LPIN1: variants seen among roughly 807,000 people sequenced by gnomAD.
LPIN1 encodes the protein phosphatidate phosphatase LPIN1.
LPIN1 carries 71 observed loss-of-function variants against 107.5 expected under a neutral mutation model. The observed-to-expected ratio is 0.66, with a 90% CI of 0.55 to 0.80. The LOEUF (loss-of-function observed/expected upper bound fraction) is 0.80, where lower values mean the gene tolerates loss of function less well. Ranked by LOEUF, LPIN1 falls within the 30% of genes least tolerant of loss-of-function variation. The pLI, the probability that LPIN1 is intolerant of heterozygous loss-of-function variation, is 0.00. For missense variants in LPIN1, 1,043 were observed against 1,160.6 expected, an observed-to-expected ratio of 0.90 and a Z score of 1.47; for synonymous variants, 445 against 452.6, an observed-to-expected ratio of 0.98 and a Z score of 0.21.
At chr2:11,802,709 C>T (rs886808005) in intron 14 of LPIN1, among the ~76,000 whole-genome samples, 198 bp from the exon 15 acceptor site, 6 of 152,008 alleles carry the variant, frequency 3.9e-5, no homozygotes, top group African/African-American at 9.7e-5. Context: ...AGCCCCCACA[C>T]GTGTAATGCA....
chr2:11,691,687 A>G lies in LPIN1; in HGVS notation c.81+13959A>G, dbSNP rs570705663. Among the ~76,000 whole-genome samples the G allele has an allele frequency of 5.9e-5, 9 of 152,336 alleles. No homozygotes were observed. In the East Asian group the frequency reaches 1.5e-3, roughly 26 times the overall value. On this transcript the variant is annotated intron_variant, in intron 1 of 21. Coordinates refer to the LPIN1 transcript ENST00000449576. ...GGGTGATTCAAAATACAAGTTCACT[A>G]TACCATCTTGACCATGAGCCACAAG...
intron 1 of LPIN1, among the ~76,000 whole-genome samples, chr2:11,753,316 G>A (rs567747824): frequency 6.6e-6 from 1 of 152,326 alleles, no homozygotes; most frequent in East Asian, 1.9e-4. Flanking sequence ...CCTCTGACCT[G>A]CAGGCCTTTT....
intron 2 of LPIN1, among the ~76,000 whole-genome samples, chr2:11,719,169 A>C (rs1018280475): frequency 6.6e-6 from 1 of 151,970 alleles, no homozygotes; most frequent in Non-Finnish European, 1.5e-5. Flanking sequence ...TTTCCTAGTA[A>C]TTTCTCTTCT....
chr2:11,742,846 G>A (rs979701398), upstream of LPIN1, among the ~76,000 whole-genome samples: 16 of 152,230 alleles, frequency 1.1e-4, no homozygotes, highest in African/African-American at 1.2e-4. Context: ...GAGCTCCCCC[G>A]CCCACCAGCG....
upstream of LPIN1, among the ~76,000 whole-genome samples, chr2:11,721,117 A>C (rs1664101184): frequency 6.6e-6 from 1 of 151,990 alleles, no homozygotes; most frequent in South Asian, 2.1e-4. Context: ...GGGAGAGGAG[A>C]AAATATTGGG....
chr2:11,712,775 G>A (rs1663496350), intron 1 of LPIN1, among the ~76,000 whole-genome samples: 1 of 152,156 alleles, frequency 6.6e-6, no homozygotes, highest in Non-Finnish European at 1.5e-5. Flanking sequence ...AATTTTAGTA[G>A]AATTTTAGGC....
At chr2:11,703,296 G>A (rs1042391277) in intron 1 of LPIN1, among the ~76,000 whole-genome samples, 1 of 152,144 alleles carries the variant, frequency 6.6e-6, no homozygotes, top group African/African-American at 2.4e-5. Flanking sequence ...GATTGGAGTA[G>A]GGATAGCGTG....
At chr2:11,732,881 C>T (rs143645210) in intron 1 of LPIN1, among the ~76,000 whole-genome samples, 26 of 146,904 alleles carry the variant, frequency 1.8e-4, no homozygotes, top group Non-Finnish European at 3.4e-4. Context: ...GTGTCCATTT[C>T]TCTCTCTCTC....
chr2:11,765,562 A>C lies in LPIN1; in HGVS notation c.21A>C (p.Leu7Phe). ...AGACCATGAATTACGTGGGGCAGTT[A>C]GCCGGCCAGGTGTTTGTCACCGTGA... Reference protein sequence around the residue: MNYVGQLAGQVFVTVKE... With the variant: MNYVGQFAGQVFVTVKE... Residue 7 changes from leucine (L) to phenylalanine (F), a missense_variant, in exon 2 of 21, where the codon TTA becomes TTC. Coordinates refer to ENST00000674199, the MANE Select transcript of LPIN1 (RefSeq NM_001349206.2). This position sits in a 1 kb window ranked among gnomAD's most constrained non-coding sequence, Gnocchi z 4.4. The C allele has an allele frequency of 6.2e-7, 1 of 1,613,862 alleles. No homozygotes were observed.
At chr2:11,725,121 C>A (rs565187819) in intron 1 of LPIN1, among the ~76,000 whole-genome samples, 1 of 152,232 alleles carries the variant, frequency 6.6e-6, no homozygotes, top group South Asian at 2.1e-4. Flanking sequence ...ATTAGCCGGG[C>A]GTGTTGGCGG....
intron 1 of LPIN1, among the ~76,000 whole-genome samples, chr2:11,733,191 C>G (rs1225776414): frequency 1.3e-5 from 2 of 152,122 alleles, no homozygotes. Flanking sequence ...CTACTCCCTT[C>G]CCCCTGCAGC....
At chr2:11,813,206 C>T (rs1021688290) in intron 17 of LPIN1, among the ~76,000 whole-genome samples, 1 of 152,052 alleles carries the variant, frequency 6.6e-6, no homozygotes, top group African/African-American at 2.4e-5. Context: ...TAGTAGCCTG[C>T]AGCTTGGGAG....
intron 1 of LPIN1, among the ~76,000 whole-genome samples, chr2:11,759,998 T>C (rs1475095269): frequency 6.9e-5 from 9 of 131,378 alleles, no homozygotes; most frequent in South Asian, 2.5e-4. Context: ...TCCTCACTTC[T>C]CAGACGGGGC....
chr2:11,787,578 T>C (rs572382132), intron 11 of LPIN1, among the ~76,000 whole-genome samples: 20 of 152,102 alleles, frequency 1.3e-4, no homozygotes, highest in African/African-American at 4.8e-4. Flanking sequence ...ATGTTCTTAT[T>C]GAATGTGAAT....
At chr2:11,731,648 A>G (rs1433970160) in intron 1 of LPIN1, among the ~76,000 whole-genome samples, 1 of 152,218 alleles carries the variant, frequency 6.6e-6, no homozygotes. Context: ...GGGAATCACT[A>G]CACGCTCTTT....
chr2:11,815,266 C>T (rs1413772215), intron 18 of LPIN1, 26 bp downstream of exon 18: 4 of 1,613,214 alleles, frequency 2.5e-6, no homozygotes, highest in Non-Finnish European at 3.4e-6. Context: ...CCTGCACCTC[C>T]ATCTGTGAGC....
intron 11 of LPIN1, 101 bp from the exon 12 acceptor site, chr2:11,788,286 C>T (rs896560306): frequency 7.0e-6 from 6 of 860,322 alleles, no homozygotes; most frequent in East Asian, 2.5e-5. Context: ...TTAAGGGCCT[C>T]GCTGGAGTCC....
At chr2:11,749,474 CCTGT>C (rs1667465482) in intron 1 of LPIN1, among the ~76,000 whole-genome samples, 1 of 152,204 alleles carries the variant, frequency 6.6e-6, no homozygotes, top group Non-Finnish European at 1.5e-5. Context: ...ACAGCTTTCC[CCTGT>C]CTGTCTCCCT....
At chr2:11,711,593 CCAGA>C (rs890847833) in intron 1 of LPIN1, among the ~76,000 whole-genome samples, 8 of 152,076 alleles carry the variant, frequency 5.3e-5, no homozygotes, top group African/African-American at 1.9e-4. Flanking sequence ...ACCTAGTCAC[CCAGA>C]CTAGAAACTT....
Sources: allele counts gnomAD v4.1 joint callset (sites outside exome capture counted in the v4.1 genomes callset), GRCh38; gene constraint gnomAD v4.1.1; non-coding constraint Gnocchi (gnomAD v3.1); transcripts MANE v1.5; gene names NCBI Gene and HGNC (gene_info 2026-07-23, HGNC 2026-07-21).